SLC35F5: variants seen among roughly 807,000 people sequenced by gnomAD.
SLC35F5 encodes the protein solute carrier family 35 member F5, also known as HCV NS5A-transactivated protein 3.
SLC35F5 carries 54 observed loss-of-function variants against 68.6 expected under a neutral mutation model. That is an observed-to-expected ratio of 0.79 (90% confidence interval 0.63 to 0.99). The LOEUF is 0.99. SLC35F5 is among the 50% of genes least tolerant of loss of function. The pLI, the probability that SLC35F5 is intolerant of heterozygous loss-of-function variation, is 0.00. For synonymous variants in SLC35F5, 211 were observed against 205.2 expected (o/e 1.03, Z -0.24); for missense variants, 567 against 626.9 (o/e 0.90, Z 1.02).
downstream of SLC35F5, among the ~76,000 whole-genome samples, chr2:113,704,630 C>G (rs1419751496): frequency 6.6e-6 from 1 of 152,120 alleles, no homozygotes; most frequent in African/African-American, 2.4e-5. Flanking sequence ...GGCACACCCT[C>G]CGCAGCCGCT....
chr2:113,727,874 A>G (rs1178101391), intron 11 of SLC35F5, among the ~76,000 whole-genome samples: 2 of 152,258 alleles, frequency 1.3e-5, no homozygotes, highest in African/African-American at 2.4e-5. Context: ...TTGTCAATGT[A>G]TAAATTTTTA....
rs1559374171 is a variant in SLC35F5 at position 113,756,353 on chromosome 2, C to A, written c.40+17G>T. ...TTTGGGCTCCGGTGATGTCGGGGCC[C>A]TTCCCTGCCTGCCTACCTGGCCTTC... On this transcript the variant is annotated intron_variant, in intron 1 of 15. Transcript: ENST00000245680. The A allele has an allele frequency of 1.3e-6, 2 of 1,569,136 alleles. No homozygotes were observed. Among genetic ancestry groups the A allele is most frequent in the East Asian group, 2.4e-5 (1 of 41,990 alleles).
downstream of SLC35F5, among the ~76,000 whole-genome samples, chr2:113,704,457 G>C (rs897296308): frequency 5.3e-5 from 8 of 152,226 alleles, no homozygotes; most frequent in African/African-American, 1.9e-4. Flanking sequence ...ATGGGACTGG[G>C]CACCGCGGAG....
chr2:113,754,829 C>A (rs1459039382), intron 3 of SLC35F5, among the ~76,000 whole-genome samples: 1 of 152,114 alleles, frequency 6.6e-6, no homozygotes, highest in Non-Finnish European at 1.5e-5. Flanking sequence ...CATTGTTTTG[C>A]ATCCTGACAG....
At chr2:113,725,962 T>C (rs1182978442) in intron 11 of SLC35F5, 1 of 153,534 alleles carries the variant, frequency 6.5e-6, no homozygotes, top group Non-Finnish European at 1.4e-5. Context: ...CCAAAACACT[T>C]GTGCTTTGCG....
chr2:113,708,548 T>C lies in SLC35F5; in HGVS notation c.*6670A>G, dbSNP rs961786962. 7.9e-5 allele frequency among the ~76,000 whole-genome samples: 12 copies of C among 151,728 alleles called. No homozygotes were observed. The highest frequency in any genetic ancestry group is 2.9e-4 in the African/African-American group (12 of 41,272). On this transcript the variant is annotated 3_prime_UTR_variant, in exon 16 of 16. Transcript: ENST00000245680. ...GGTAAAACCTCCTCTCTACTATAAA[T>C]ACAAAAAATTAGCTGGGCGTGGTGG...
Position 113,725,424 on chromosome 2 carries a change from T to C in SLC35F5, c.1204A>G (p.Ile402Val), listed in dbSNP as rs1687620731. ...PNKVVLMCII[I>V]NGLIGTVLSE... Reference sequence around the variant, plus strand: ...AGTACTGTTCCAATAAGGCCATTAATGATAATGCACATTAATACTACTTTA... The same window carrying C: ...AGTACTGTTCCAATAAGGCCATTAACGATAATGCACATTAATACTACTTTA... Residue 402 changes from isoleucine (I) to valine (V), a missense_variant, in exon 12 of 16, where the codon ATT becomes GTT. Coordinates refer to ENST00000245680, the MANE Select transcript of SLC35F5 (RefSeq NM_025181.5). 6.2e-7 allele frequency: 1 copy of C among 1,611,766 alleles called. No homozygotes were observed. Among genetic ancestry groups the C allele is most frequent in the African/African-American group, 1.3e-5 (1 of 74,872 alleles).
In SLC35F5 at chr2:113,754,294, C is replaced by CA. The variant is rs1209788524; in HGVS notation, c.273+870dup. On this transcript the variant is annotated intron_variant, in intron 3 of 15. Coordinates refer to ENST00000245680, the MANE Select transcript of SLC35F5 (RefSeq NM_025181.5). ...GACAGAGCAGAGCAAGACTCCATCT[C>CA]AAAAAAAAAAGAAAAAAAAAAAAAA... Among the ~76,000 whole-genome samples, 294 of 87,254 alleles carry CA rather than the reference C, an allele frequency of 3.4e-3. 1 individual carries two copies. The highest frequency in any genetic ancestry group is 0.011 in the African/African-American group (255 of 22,314). The allele number at this position is 87,254 out of a possible 152,430, so 57.2% of individuals were successfully genotyped here.
intron 7 of SLC35F5, among the ~76,000 whole-genome samples, chr2:113,737,994 T>C (rs576379884): frequency 2.0e-5 from 3 of 151,398 alleles, no homozygotes; most frequent in African/African-American, 2.5e-5. Flanking sequence ...AAATAGTGTA[T>C]GTTCAAGGTA....
At chr2:113,720,410 T>C (rs954418423) in intron 13 of SLC35F5, among the ~76,000 whole-genome samples, 3 of 151,684 alleles carry the variant, frequency 2.0e-5, no homozygotes, top group Admixed American at 2.0e-4. Context: ...ATAGCACCAT[T>C]AGTCAGAGTA....
At chr2:113,750,663 C>G (rs988987284) in intron 3 of SLC35F5, 95 bp from the exon 4 acceptor site, 1 of 1,098,354 alleles carries the variant, frequency 9.1e-7, no homozygotes, top group East Asian at 2.8e-5. Flanking sequence ...TTTAACTCTT[C>G]AGAAGTTCAC....
rs1366889730 is a variant in SLC35F5, at chr2:113,709,585, C to A, written c.*5633G>T. Among the ~76,000 whole-genome samples, 2 of 152,148 alleles carry A rather than the reference C, an allele frequency of 1.3e-5. No individual in the cohort carries two copies. Among genetic ancestry groups the A allele is most frequent in the Non-Finnish European group, 2.9e-5 (2 of 68,022 alleles). On this transcript the variant is annotated 3_prime_UTR_variant, in exon 16 of 16. Coordinates refer to ENST00000245680, the MANE Select transcript of SLC35F5 (RefSeq NM_025181.5). The stretch of plus-strand genomic sequence containing the variant: ...CACAGCTAAGTAAATGCGGATCTAC[C>A]AGATTGAATAATCTCCCCCAAATAA...
At chr2:113,720,100 T>C (rs1687368721) in intron 13 of SLC35F5, among the ~76,000 whole-genome samples, 1 of 149,654 alleles carries the variant, frequency 6.7e-6, no homozygotes. Flanking sequence ...AAATAAAAAA[T>C]AATGAGATGC....
chr2:113,738,816 T>C (rs1574249745), intron 7 of SLC35F5, among the ~76,000 whole-genome samples: 1 of 152,264 alleles, frequency 6.6e-6, no homozygotes, highest in East Asian at 1.9e-4. Flanking sequence ...AATTGAAAAG[T>C]GCTTTAAGTA....
intron 11 of SLC35F5, among the ~76,000 whole-genome samples, chr2:113,727,392 A>G (rs1687703952): frequency 6.6e-6 from 1 of 152,216 alleles, no homozygotes; most frequent in Non-Finnish European, 1.5e-5. Context: ...TACAGCAAGG[A>G]CACGACCTAA....
chr2:113,731,450 A>T (rs1226667850), intron 10 of SLC35F5, 134 bp downstream of exon 10: 3 of 604,162 alleles, frequency 5.0e-6, no homozygotes, highest in Admixed American at 2.5e-5. Context: ...TTTTTATGTT[A>T]TTTCCAAAGG....
intron 10 of SLC35F5, among the ~76,000 whole-genome samples, chr2:113,730,343 C>T (rs572393900): frequency 1.3e-5 from 2 of 152,190 alleles, no homozygotes; most frequent in South Asian, 4.1e-4. Context: ...ATTCAAAAGA[C>T]GAATGTTTTA....
intron 5 of SLC35F5, 50 bp downstream of exon 5, chr2:113,746,227 C>T: frequency 6.9e-7 from 1 of 1,456,596 alleles, no homozygotes; most frequent in Non-Finnish European, 9.6e-7. Context: ...GTTTTTCCTA[C>T]CATGGCTCAA....
chr2:113,746,414 A>G, intron 4 of SLC35F5, 75 bp from the exon 5 acceptor site: 1 of 1,219,304 alleles, frequency 8.2e-7, no homozygotes, highest in Non-Finnish European at 1.2e-6. Context: ...CGTAACTCAG[A>G]TAAATAGAAG....
Sources: gnomAD v4.1 joint callset for allele counts (sites outside exome capture counted in the v4.1 genomes callset) on GRCh38, gnomAD v4.1.1 for gene constraint, MANE v1.5 for transcripts, NCBI Gene and HGNC (gene_info 2026-07-23, HGNC 2026-07-21) for gene names.